PPP2R2A: variants seen among roughly 807,000 people sequenced by gnomAD.
PPP2R2A encodes serine/threonine-protein phosphatase 2A 55 kDa regulatory subunit B alpha isoform.
A neutral mutation model predicts 53.2 loss-of-function variants in PPP2R2A; 9 were observed. That is an observed-to-expected ratio of 0.17 (90% CI 0.10 to 0.30). The LOEUF is 0.30. PPP2R2A is among the 10% of genes least tolerant of loss of function. The pLI, the probability that PPP2R2A is intolerant of heterozygous loss-of-function variation, is 1.00. For missense variants in PPP2R2A, 235 were observed against 534.6 expected (o/e 0.44, Z 5.53); for synonymous variants, 169 against 174.2 (o/e 0.97, Z 0.23).
intron 2 of PPP2R2A, among the ~76,000 whole-genome samples, chr8:26,324,549 G>T (rs1283894714): frequency 6.6e-6 from 1 of 152,214 alleles, no homozygotes; most frequent in Non-Finnish European, 1.5e-5. Context: ...TGCTGCAGGG[G>T]CAGGGCCCTC....
intron 3 of PPP2R2A, among the ~76,000 whole-genome samples, chr8:26,352,408 G>C (rs931472101): frequency 6.6e-6 from 1 of 152,160 alleles, no homozygotes; most frequent in Non-Finnish European, 1.5e-5. Flanking sequence ...GTTACCACTT[G>C]TACCCATCTG....
intron 2 of PPP2R2A, chr8:26,333,541 C>A: frequency 8.3e-7 from 1 of 1,197,846 alleles, no homozygotes. Flanking sequence ...AGAGTGACTC[C>A]ATAAAGTGCC....
intron 2 of PPP2R2A, among the ~76,000 whole-genome samples, chr8:26,316,186 C>G (rs1802547681): frequency 6.6e-6 from 1 of 151,858 alleles, no homozygotes; most frequent in Admixed American, 6.6e-5. Context: ...TTTTGTATTT[C>G]TAGTAGAGAT....
intron 8 of PPP2R2A, among the ~76,000 whole-genome samples, chr8:26,364,457 TCC>T (rs1805265912): frequency 6.6e-6 from 1 of 152,182 alleles, no homozygotes. Context: ...CTACTGTTTA[TCC>T]GTGTCCACTA....
chr8:26,368,107 C>T (rs191190840), intron 9 of PPP2R2A, among the ~76,000 whole-genome samples: 12 of 152,304 alleles, frequency 7.9e-5, no homozygotes, highest in African/African-American at 2.9e-4. Context: ...TGTCCTAATA[C>T]ATTAAAACCA....
chr8:26,314,888 TCCCCC>T (rs3070128), intron 2 of PPP2R2A, among the ~76,000 whole-genome samples: 4 of 65,794 alleles, frequency 6.1e-5, no homozygotes, highest in African/African-American at 6.6e-5. Context: ...TTTTTTCCCT[TCCCCC>T]CCCCCCCCCC....
chr8:26,295,005 A>C (rs546223427), intron 2 of PPP2R2A, among the ~76,000 whole-genome samples: 2 of 152,340 alleles, frequency 1.3e-5, no homozygotes, highest in East Asian at 3.9e-4. Context: ...TCAGAGAAGT[A>C]AGTCCTGACT....
chr8:26,337,091 C>G (rs969511036), intron 2 of PPP2R2A, among the ~76,000 whole-genome samples: 8 of 152,066 alleles, frequency 5.3e-5, no homozygotes, highest in Non-Finnish European at 1.0e-4. Flanking sequence ...TAATGGGCAA[C>G]TCGGCCCATT....
chr8:26,341,163 A>G (rs79417368), intron 3 of PPP2R2A, among the ~76,000 whole-genome samples: 2,914 of 152,252 alleles, frequency 0.019, 91 homozygotes, highest in African/African-American at 0.067. Flanking sequence ...CATGTTTTTA[A>G]GTGATAGATT....
Position 26,360,521 on chromosome 8 carries a change from C to A in PPP2R2A, c.459+240C>A. On this transcript the variant is annotated intron_variant, in intron 5 of 9. Transcript: ENST00000380737. This position sits in a 1 kb window ranked among gnomAD's most constrained non-coding sequence, Gnocchi z 4.5. ...CAAGACAGTATTTCACGCCATCAGACTTCATCTCTGGTTTGTCATGTTAGC... is the reference window on the plus strand; with the variant it reads ...CAAGACAGTATTTCACGCCATCAGAATTCATCTCTGGTTTGTCATGTTAGC... 3.1e-6 allele frequency: 1 copy of A among 324,572 alleles called. No homozygotes were observed. Among genetic ancestry groups the A allele is most frequent in the Non-Finnish European group, 5.5e-6 (1 of 180,650 alleles). 20.1% of individuals were successfully genotyped at this position (324,572 alleles called of 1,614,324 possible).
chr8:26,325,208 T>C (rs551259185), intron 2 of PPP2R2A, among the ~76,000 whole-genome samples: 1 of 152,050 alleles, frequency 6.6e-6, no homozygotes, highest in African/African-American at 2.4e-5. Flanking sequence ...TCTCCCAGAA[T>C]TCCCACATGT....
intron 2 of PPP2R2A, among the ~76,000 whole-genome samples, chr8:26,320,607 A>G (rs1038691768): frequency 1.1e-4 from 16 of 152,142 alleles, no homozygotes; most frequent in Non-Finnish European, 1.9e-4. Context: ...TGGCTAGTTT[A>G]TCCTGTCTGT....
chr8:26,355,786 G>A (rs566840001), intron 4 of PPP2R2A, among the ~76,000 whole-genome samples: 2 of 151,854 alleles, frequency 1.3e-5, no homozygotes, highest in South Asian at 4.2e-4. Flanking sequence ...AGGAGAATGG[G>A]GTGAACCTGG....
chr8:26,327,941 G>A (rs958540156), intron 2 of PPP2R2A, among the ~76,000 whole-genome samples: 16 of 152,128 alleles, frequency 1.1e-4, no homozygotes, highest in Admixed American at 8.5e-4. Flanking sequence ...GTTTTGTGCC[G>A]GAATGTTTCG....
intron 2 of PPP2R2A, among the ~76,000 whole-genome samples, chr8:26,320,803 A>T (rs1802803269): frequency 6.6e-6 from 1 of 152,204 alleles, no homozygotes; most frequent in Admixed American, 6.5e-5. Context: ...TATCCTGGGG[A>T]TTGATGGTGT....
At chr8:26,361,789 GTC>G (rs1469404971) in intron 6 of PPP2R2A, among the ~76,000 whole-genome samples, 1 of 151,780 alleles carries the variant, frequency 6.6e-6, no homozygotes, top group Non-Finnish European at 1.5e-5. Context: ...GTGAAACCCC[GTC>G]TCTCCTAAAA....
At position 26,354,347 on chromosome 8, in the gene PPP2R2A, T is replaced by C; in HGVS notation, c.181-121T>C. On this transcript the variant is annotated intron_variant, in intron 3 of 9. Transcript: ENST00000380737. The surrounding 1 kb of genome is among the most constrained non-coding windows in gnomAD (Gnocchi z 4.6). ...AGAAATATAAAAAACAGAATGTAAT[T>C]GTATAAAGACACAACTAATGGGGTA... The C allele has an allele frequency of 1.4e-6, 1 of 707,406 alleles. No individual in the cohort carries two copies. Among genetic ancestry groups the C allele is most frequent in the Non-Finnish European group, 2.1e-6 (1 of 486,420 alleles). 43.8% of individuals were successfully genotyped at this position (707,406 alleles called of 1,614,324 possible).
chr8:26,371,356 T>G lies in PPP2R2A; in HGVS notation c.*943T>G, dbSNP rs953494269. On this transcript the variant is annotated 3_prime_UTR_variant, in exon 10 of 10. Transcript: ENST00000380737. ...TTTCACAATCTATAAATGCTACTAG[T>G]TTTTTTTTTTTTTTTTACCATCATG... is the stretch of plus-strand genomic sequence containing the variant. 1 of 45,972 alleles carries G rather than the reference T, an allele frequency of 2.2e-5. No homozygotes were observed. Among genetic ancestry groups the G allele is most frequent in the African/African-American group, 5.3e-5 (1 of 18,748 alleles). The allele number at this position is 45,972 out of a possible 1,614,324, so 2.8% of individuals were successfully genotyped here.
intron 3 of PPP2R2A, among the ~76,000 whole-genome samples, chr8:26,346,848 A>G (rs1226635589): frequency 6.6e-6 from 1 of 152,208 alleles, no homozygotes; most frequent in African/African-American, 2.4e-5. Flanking sequence ...ACCAGTGGAA[A>G]GGACATTGAA....
Sources: gnomAD v4.1 joint callset for allele counts (sites outside exome capture counted in the v4.1 genomes callset) on GRCh38, gnomAD v4.1.1 for gene constraint, Gnocchi (gnomAD v3.1) non-coding constraint, MANE v1.5 for transcripts, NCBI Gene and HGNC (gene_info 2026-07-23, HGNC 2026-07-21) for gene names.